TMEM272: variants seen among roughly 807,000 people sequenced by gnomAD.
The protein encoded by TMEM272 is transmembrane protein 272, also known as long intergenic non-protein coding RNA 282.
Under a neutral mutation model 3.7 loss-of-function variants are expected in TMEM272, and 8 were observed. That is an observed-to-expected ratio of 2.17 (90% CI 1.27 to 3.91). TMEM272 has a LOEUF of 3.91. Ranked by LOEUF, TMEM272 falls within the 30% of genes most tolerant of loss-of-function variation. TMEM272 has a pLI of 0.00. For synonymous variants in TMEM272, 63 were observed against 39.8 expected (o/e 1.58, Z -2.20); for missense variants, 166 against 91.5 (o/e 1.81, Z -3.32).
At chr13:51,894,747 G>T in the TMEM272 span, among the ~76,000 whole-genome samples, 1 of 152,138 alleles carries the variant, frequency 6.6e-6, no homozygotes, top group Non-Finnish European at 1.5e-5. Context: ...CCATGGACCA[G>T]GCTGGGGAAT....
the TMEM272 span, among the ~76,000 whole-genome samples, chr13:51,911,610 C>T: frequency 0.027 from 4,096 of 152,292 alleles, 193 homozygotes; most frequent in African/African-American, 0.094. Flanking sequence ...CCTTCACGTA[C>T]TAGATGTTCT....
the TMEM272 span, chr13:51,908,273 C>A: frequency 1.0e-6 from 1 of 982,598 alleles, no homozygotes; most frequent in Non-Finnish European, 1.6e-6. Context: ...CAGACTCAAC[C>A]CTAAAGGGAA....
the TMEM272 span, among the ~76,000 whole-genome samples, chr13:51,925,676 C>T: frequency 6.6e-6 from 1 of 152,116 alleles, no homozygotes; most frequent in African/African-American, 2.4e-5. Context: ...CACAGCTTGC[C>T]AAGGAGAGAC....
the TMEM272 span, among the ~76,000 whole-genome samples, chr13:51,912,373 G>A: frequency 6.6e-6 from 1 of 152,060 alleles, no homozygotes; most frequent in Non-Finnish European, 1.5e-5. Flanking sequence ...GTATCACGTG[G>A]GGGCAGCAGC....
chr13:51,919,528 A>G, the TMEM272 span, among the ~76,000 whole-genome samples: 1 of 142,850 alleles, frequency 7.0e-6, no homozygotes, highest in Admixed American at 7.0e-5. Flanking sequence ...CAATACATAA[A>G]ATTATTTTTT....
At chr13:51,922,610 G>T in the TMEM272 span, among the ~76,000 whole-genome samples, 19 of 152,186 alleles carry the variant, frequency 1.2e-4, no homozygotes, top group African/African-American at 4.3e-4. Flanking sequence ...TGTTGCAGCT[G>T]TAACAAACTA....
chr13:51,895,018 A>G, the TMEM272 span, among the ~76,000 whole-genome samples: 1 of 152,186 alleles, frequency 6.6e-6, no homozygotes, highest in African/African-American at 2.4e-5. Context: ...TCATGCTCCT[A>G]TGAGAATCTA....
chr13:51,895,525 T>C, the TMEM272 span, among the ~76,000 whole-genome samples: 2 of 152,042 alleles, frequency 1.3e-5, no homozygotes, highest in Non-Finnish European at 2.9e-5. Context: ...GGTGGGAAGG[T>C]GCAGAGGGGT....
At chr13:51,922,775 A>T in the TMEM272 span, among the ~76,000 whole-genome samples, 1 of 152,160 alleles carries the variant, frequency 6.6e-6, no homozygotes, top group South Asian at 2.1e-4. Flanking sequence ...CGCCTCTTCC[A>T]GCTTCTGAGG....
chr13:51,839,105 G>A (rs897564592), intron 1 of TMEM272, among the ~76,000 whole-genome samples: 3 of 151,966 alleles, frequency 2.0e-5, no homozygotes, highest in Non-Finnish European at 4.4e-5. Flanking sequence ...GGGTCCAAGC[G>A]GAAGAGGAAC....
chr13:51,920,924 T>G, the TMEM272 span, among the ~76,000 whole-genome samples: 1 of 152,264 alleles, frequency 6.6e-6, no homozygotes, highest in African/African-American at 2.4e-5. Context: ...CCATCGTGCC[T>G]GAGGCCCAGC....
At chr13:51,869,009 G>T in the TMEM272 span, among the ~76,000 whole-genome samples, 191 of 152,320 alleles carry the variant, frequency 1.3e-3, no homozygotes, top group African/African-American at 3.5e-3. Flanking sequence ...GGGTTCTCCA[G>T]TGTCTTCTCT....
the TMEM272 span, among the ~76,000 whole-genome samples, chr13:51,866,970 G>T: frequency 6.6e-6 from 1 of 152,322 alleles, no homozygotes; most frequent in East Asian, 1.9e-4. Context: ...CATGAATGTG[G>T]TCAAGCAACT....
At chr13:51,886,022 T>C in the TMEM272 span, among the ~76,000 whole-genome samples, 21 of 152,348 alleles carry the variant, frequency 1.4e-4, no homozygotes, top group East Asian at 3.1e-3. Flanking sequence ...AGGAAGAAGC[T>C]TGTAATCTTC....
the TMEM272 span, among the ~76,000 whole-genome samples, chr13:51,890,189 C>G: frequency 6.6e-6 from 1 of 152,216 alleles, no homozygotes; most frequent in South Asian, 2.1e-4. Flanking sequence ...TCTATACACC[C>G]CCTGCTATAG....
chr13:51,861,149 A>C, the TMEM272 span, among the ~76,000 whole-genome samples: 61,502 of 151,834 alleles, frequency 0.41, 12,818 homozygotes, highest in East Asian at 0.53. Context: ...TAAAAAGAAG[A>C]AGTAAGAAAA....
At chr13:51,836,774 G>A (rs1346832431) in intron 2 of TMEM272, among the ~76,000 whole-genome samples, 3 of 152,204 alleles carry the variant, frequency 2.0e-5, no homozygotes, top group African/African-American at 7.2e-5. Flanking sequence ...GGAAGTAGAA[G>A]TCTAGGCAAA....
At chr13:51,894,184 T>C in the TMEM272 span, among the ~76,000 whole-genome samples, 1 of 152,154 alleles carries the variant, frequency 6.6e-6, no homozygotes, top group East Asian at 1.9e-4. Context: ...GTGGGATGTA[T>C]TGGGACAGAT....
At chr13:51,911,425 T>C in the TMEM272 span, among the ~76,000 whole-genome samples, 3 of 152,212 alleles carry the variant, frequency 2.0e-5, no homozygotes, top group Non-Finnish European at 4.4e-5. Context: ...AGTGTTCCTC[T>C]TAACTGTCCA....
Sources: allele counts gnomAD v4.1 joint callset (sites outside exome capture counted in the v4.1 genomes callset), GRCh38; gene constraint gnomAD v4.1.1; transcripts MANE v1.5; gene names NCBI Gene and HGNC (gene_info 2026-07-23, HGNC 2026-07-21).